Variants in ERFE observed in about 807,000 individuals in gnomAD.
The protein encoded by ERFE is complement C1q tumor necrosis factor-related protein 15.
ERFE carries 25 observed loss-of-function variants against 26.6 expected under a neutral mutation model. That is an observed-to-expected ratio of 0.94 (90% CI 0.69 to 1.31). ERFE has a LOEUF of 1.31. ERFE is among the 40% of genes most tolerant of loss of function. The probability of loss-of-function intolerance (pLI) is 0.00; values close to 1 mark genes in which losing one functional copy is unlikely to be tolerated. For missense variants in ERFE, 447 were observed against 440.2 expected, an observed-to-expected ratio of 1.02 and a Z score of -0.14; for synonymous variants, 206 against 204.5, an observed-to-expected ratio of 1.01 and a Z score of -0.06.
At chr2:238,166,591 C>T (rs1693039107) in intron 7 of ERFE, among the ~76,000 whole-genome samples, 2 of 152,236 alleles carry the variant, frequency 1.3e-5, no homozygotes, top group Non-Finnish European at 2.9e-5. Flanking sequence ...ACGGAAGGCT[C>T]TGCCAAATGA....
Position 238,159,168 on chromosome 2 carries a change from C to A in ERFE, c.161C>A (p.Pro54His), listed in dbSNP as rs1047447630. 1.4e-5 allele frequency: 3 copies of A among 212,414 alleles called. No homozygotes were observed. The highest frequency in any genetic ancestry group is 1.6e-4 in the South Asian group (1 of 6,212). The allele number at this position is 212,414 out of a possible 1,614,324, so 13.2% of individuals were successfully genotyped here. Reference protein sequence around the residue: ...PPPGNELPRGPGESRAGPAAR... With the variant: ...PPPGNELPRGHGESRAGPAAR... ...CCCGGGAACGAGCTGCCCCGGGGCC[C>A]CGGGGAGAGCCGCGCGGGGCCGGCC... is the stretch of plus-strand genomic sequence containing the variant. Residue 54 changes from proline (P) to histidine (H), a missense_variant, in exon 1 of 8, where the codon CCC becomes CAC. Pro to His is a moderately conservative substitution (Grantham distance 77). Transcript: ENST00000546354.
In ERFE at chr2:238,160,912, TGTCAGCATCA is replaced by T. The variant is rs1692928573; in HGVS notation, c.199-676_199-667del. Reference sequence around the variant, plus strand: ...AGGTCCCTCCCAAAACTGTGCTCAGTGTCAGCATCAGTCAGGATGCAGCGCGGACAGGAAT... The same window carrying T: ...AGGTCCCTCCCAAAACTGTGCTCAGTGTCAGGATGCAGCGCGGACAGGAAT... On this transcript the variant is annotated intron_variant, in intron 1 of 7. Coordinates refer to ENST00000546354, the MANE Select transcript of ERFE (RefSeq NM_001291832.2). Among the ~76,000 whole-genome samples the T allele has an allele frequency of 2.0e-5, 3 of 152,288 alleles. No homozygotes were observed. The South Asian group carries it at 6.2e-4, about 32-fold the overall frequency.
At chr2:238,164,401 C>G in intron 6 of ERFE, 41 bp downstream of exon 6, 2 of 1,530,528 alleles carry the variant, frequency 1.3e-6, no homozygotes, top group Non-Finnish European at 1.8e-6. Flanking sequence ...CGCATTCGCT[C>G]GGCCTCCACA....
chr2:238,167,120 T>A lies in ERFE; in HGVS notation c.*66T>A, dbSNP rs1364522304. 16 of 1,484,904 alleles carry A rather than the reference T, an allele frequency of 1.1e-5. No homozygotes were observed. The East Asian group carries it at 3.7e-4, about 34-fold the overall frequency. 92.0% of individuals were successfully genotyped at this position (1,484,904 alleles called of 1,614,324 possible). On this transcript the variant is annotated 3_prime_UTR_variant, in exon 8 of 8. Coordinates refer to ENST00000546354, the MANE Select transcript of ERFE (RefSeq NM_001291832.2). ...ACAGATCTAGACAATGTGTGGACAG[T>A]GTCAGAGTAGCAGTGGCCACATGGA...
Position 238,168,221 on chromosome 2 carries a change from G to A in ERFE, c.*1167G>A, listed in dbSNP as rs571879000. The A allele has an allele frequency of 1.3e-3, 477 of 354,298 alleles. 7 individuals carry two copies. The highest frequency in any genetic ancestry group is 0.01 in the South Asian group (457 of 45,504). 21.9% of individuals were successfully genotyped at this position (354,298 alleles called of 1,614,324 possible). On this transcript the variant is annotated 3_prime_UTR_variant, in exon 8 of 8. Coordinates refer to ENST00000546354, the MANE Select transcript of ERFE (RefSeq NM_001291832.2). ...ATGAGGACACACAGGCTGTGAGCCC[G>A]CAGCCTCCTCAAATGTAGCCTCCCA...
At chr2:238,161,450 G>A in intron 1 of ERFE, 144 bp from the exon 2 acceptor site, 1 of 1,096,580 alleles carries the variant, frequency 9.1e-7, no homozygotes, top group Non-Finnish European at 1.2e-6. Flanking sequence ...GCCCCTTTGG[G>A]AGCTGCCTTT....
rs1693092377 is a variant in ERFE at position 238,168,772 on chromosome 2, A to G, written c.*1718A>G. On this transcript the variant is annotated 3_prime_UTR_variant, in exon 8 of 8. Coordinates refer to ENST00000546354, the MANE Select transcript of ERFE (RefSeq NM_001291832.2). ...TGTATCCACTGGGCACAGATATTCTAGAGAACTTATCTTTCACTCTTGTAA... is the reference window on the plus strand; with the variant it reads ...TGTATCCACTGGGCACAGATATTCTGGAGAACTTATCTTTCACTCTTGTAA... 1 of 193,170 alleles carries G rather than the reference A, an allele frequency of 5.2e-6. No homozygotes were observed. The highest frequency in any genetic ancestry group is 1.1e-5 in the Non-Finnish European group (1 of 91,604). The allele number at this position is 193,170 out of a possible 1,614,324, so 12.0% of individuals were successfully genotyped here. A position where few individuals can be genotyped will look rare whatever the true frequency, so the allele number is the denominator to read the frequency against.
intron 6 of ERFE, 59 bp from the exon 7 acceptor site, chr2:238,165,547 T>C: frequency 2.2e-6 from 3 of 1,391,356 alleles, no homozygotes; most frequent in Non-Finnish European, 2.0e-6. Flanking sequence ...TTGTGTGTCG[T>C]AGGTGAAGTT....
intron 1 of ERFE, among the ~76,000 whole-genome samples, chr2:238,161,328 T>C (rs970644289): frequency 6.6e-6 from 1 of 152,148 alleles, no homozygotes; most frequent in South Asian, 2.1e-4. Context: ...CCATTTTCCC[T>C]CCAGGCATCT....
At chr2:238,160,678 T>TC (rs940044065) in intron 1 of ERFE, among the ~76,000 whole-genome samples, 6 of 151,824 alleles carry the variant, frequency 4.0e-5, no homozygotes, top group Middle Eastern at 3.4e-3. Flanking sequence ...AGGCCCTGCA[T>TC]CCCCCCAGAT....
chr2:238,168,499 G>A lies in ERFE; in HGVS notation c.*1445G>A, dbSNP rs1468993041. On this transcript the variant is annotated 3_prime_UTR_variant, in exon 8 of 8. Coordinates refer to ENST00000546354, the MANE Select transcript of ERFE (RefSeq NM_001291832.2). Reference sequence around the variant, plus strand: ...TTCTAACTAACTAGCCTCCGGATGAGGTGGCTGCCACCAGGCCCGAATGAT... The same window carrying A: ...TTCTAACTAACTAGCCTCCGGATGAAGTGGCTGCCACCAGGCCCGAATGAT... The A allele has an allele frequency of 2.1e-6, 1 of 469,362 alleles. No homozygotes were observed. The highest frequency in any genetic ancestry group is 4.4e-6 in the Non-Finnish European group (1 of 226,196). 29.1% of individuals were successfully genotyped at this position (469,362 alleles called of 1,614,324 possible). A position where few individuals can be genotyped will look rare whatever the true frequency, so the allele number is the denominator to read the frequency against.
chr2:238,167,390 G>A lies in ERFE; in HGVS notation c.*336G>A, dbSNP rs1240472122. On this transcript the variant is annotated 3_prime_UTR_variant, in exon 8 of 8. Transcript: ENST00000546354. ...CAGCACCTGCCCAGATGGCCTCTGC[G>A]TCTTTCCTGTGCCCAGCCCCACCTT... The A allele has an allele frequency of 2.4e-5, 14 of 580,966 alleles. No homozygotes were observed. The highest frequency in any genetic ancestry group is 1.1e-4 in the Admixed American group (5 of 46,024). The allele number at this position is 580,966 out of a possible 1,614,324, so 36.0% of individuals were successfully genotyped here. A position where few individuals can be genotyped will look rare whatever the true frequency, so the allele number is the denominator to read the frequency against.
At chr2:238,166,777 T>G (rs1303402404) in intron 7 of ERFE, among the ~76,000 whole-genome samples, 179 bp from the exon 8 acceptor site, 8 of 152,212 alleles carry the variant, frequency 5.3e-5, no homozygotes, top group Non-Finnish European at 1.0e-4. Flanking sequence ...AGGTGCTGGG[T>G]GGGGCCCAAC....
rs573294513 is a variant in ERFE at position 238,168,819 on chromosome 2, T to C, written c.*1765T>C. The C allele has an allele frequency of 1.3e-5, 1 of 76,262 alleles. No homozygotes were observed. The highest frequency in any genetic ancestry group is 2.0e-4 in the South Asian group (1 of 5,124). The allele number at this position is 76,262 out of a possible 1,614,324, so 4.7% of individuals were successfully genotyped here. On this transcript the variant is annotated 3_prime_UTR_variant, in exon 8 of 8. Coordinates refer to ENST00000546354, the MANE Select transcript of ERFE (RefSeq NM_001291832.2). ...GTAAAAGCCACATATCCACATCTCT[T>C]TCATTTTTCTCAGTGTGTTATGCAG...
rs1457891458 is a variant in ERFE, at chr2:238,168,063, C to T, written c.*1009C>T. ...CAAGCATCTTTCCCACTTGGGTGGC[C>T]ATGCGGCGCTGACATTGGACAGGTG... On this transcript the variant is annotated 3_prime_UTR_variant, in exon 8 of 8. Transcript: ENST00000546354. 5.1e-6 allele frequency: 1 copy of T among 197,868 alleles called. No homozygotes were observed. The highest frequency in any genetic ancestry group is 1.1e-5 in the Non-Finnish European group (1 of 95,048). The allele number at this position is 197,868 out of a possible 1,614,324, so 12.3% of individuals were successfully genotyped here.
At position 238,162,716 on chromosome 2, in the gene ERFE, C is replaced by G; in HGVS notation, c.322-20C>G. On this transcript the variant is annotated intron_variant, in intron 2 of 7. Coordinates refer to ENST00000546354, the MANE Select transcript of ERFE (RefSeq NM_001291832.2). ...CCAGCCTGCTCCTCACATGTCCTCA[C>G]TGCCAAGGTTCCCTTTCAGTTCGGC... 4 of 1,489,340 alleles carry G rather than the reference C, an allele frequency of 2.7e-6. No individual in the cohort carries two copies. The highest frequency in any genetic ancestry group is 3.7e-6 in the Non-Finnish European group (4 of 1,090,998). The allele number at this position is 1,489,340 out of a possible 1,614,324, so 92.3% of individuals were successfully genotyped here. A position where few individuals can be genotyped will look rare whatever the true frequency, so the allele number is the denominator to read the frequency against.
chr2:238,168,599 C>A lies in ERFE; in HGVS notation c.*1545C>A, dbSNP rs186976801. The A allele has an allele frequency of 1.1e-3, 444 of 391,866 alleles. 2 individuals carry two copies. The highest frequency in any genetic ancestry group is 8.2e-3 in the African/African-American group (391 of 47,782). The allele number at this position is 391,866 out of a possible 1,614,324, so 24.3% of individuals were successfully genotyped here. ...CCCCAAGTGCAGTAACACACAAAAA[C>A]CAAACACTCTGCCCTGGGAAAGGCC... is the stretch of plus-strand genomic sequence containing the variant. On this transcript the variant is annotated 3_prime_UTR_variant, in exon 8 of 8. Transcript: ENST00000546354.
Position 238,163,884 on chromosome 2 carries a change from C to A in ERFE, c.572C>A (p.Ala191Glu). The change falls in exon 4 of 8, where the codon GCG (alanine) becomes GAG (glutamate). Residue 191 changes from alanine (A) to glutamate (E), a missense_variant. Coordinates refer to ENST00000546354, the MANE Select transcript of ERFE (RefSeq NM_001291832.2). Reference protein sequence around the residue: ...VVGDVLALLAAPLAPGPRAPR... With the variant: ...VVGDVLALLAEPLAPGPRAPR... Reference sequence around the variant, plus strand: ...GGGGACGTGCTGGCACTGCTGGCCGCGCCCCTGGCCCCGGGGCCGCGGGCG... The same window carrying A: ...GGGGACGTGCTGGCACTGCTGGCCGAGCCCCTGGCCCCGGGGCCGCGGGCG... 7.6e-7 allele frequency: 1 copy of A among 1,313,228 alleles called. No individual in the cohort carries two copies. The highest frequency in any genetic ancestry group is 9.6e-7 in the Non-Finnish European group (1 of 1,039,342). 81.3% of individuals were successfully genotyped at this position (1,313,228 alleles called of 1,614,324 possible). A position where few individuals can be genotyped will look rare whatever the true frequency, so the allele number is the denominator to read the frequency against.
rs1431362566 is a variant in ERFE, at chr2:238,165,640, A to C, written c.922A>C (p.Ser308Arg). ...GGCCATCATGGGCCTGGAGAGCAGC[A>C]GTGAGCTCTTCACCATCTCTGTGAA... ...LEAIMGLESS[S>R]ELFTISVNGV... is the part of the protein sequence containing the mutation. The change falls in exon 7 of 8, where the codon AGT becomes CGT. Residue 308 changes from serine to arginine, a missense_variant. Physicochemically the swap from Ser to Arg is moderately radical, Grantham distance 110. Coordinates refer to ENST00000546354, the MANE Select transcript of ERFE (RefSeq NM_001291832.2). The C allele has an allele frequency of 1.9e-6, 3 of 1,549,618 alleles. No individual in the cohort carries two copies. The highest frequency in any genetic ancestry group is 3.3e-4 in the Middle Eastern group (2 of 5,972).
Sources: gnomAD v4.1 joint callset for allele counts (sites outside exome capture counted in the v4.1 genomes callset) on GRCh38, gnomAD v4.1.1 for gene constraint, MANE v1.5 for transcripts, NCBI Gene and HGNC (gene_info 2026-07-23, HGNC 2026-07-21) for gene names.